AFDN: variants seen among roughly 807,000 people sequenced by gnomAD.
The protein encoded by AFDN is afadin, adherens junction formation factor, also known as afadin.
In AFDN, 68 loss-of-function variants were observed where a neutral mutation model predicts 216.6. The ratio of observed to expected loss-of-function variants is 0.31; its 90% CI spans 0.26 to 0.38. AFDN has a LOEUF of 0.38. Ranked by LOEUF, AFDN falls within the 10% of genes least tolerant of loss-of-function variation. The probability of loss-of-function intolerance (pLI) is 1.00; values close to 1 mark genes in which losing one functional copy is unlikely to be tolerated. For synonymous variants in AFDN, 868 were observed against 853.7 expected (o/e 1.02, Z -0.29); for missense variants, 2,136 against 2,342.0 (o/e 0.91, Z 1.82).
At chr6:167,965,237 C>G (rs927593728) in intron 31 of AFDN, 2 of 237,794 alleles carry the variant, frequency 8.4e-6, no homozygotes, top group African/African-American at 4.7e-5. Flanking sequence ...TCCTCCTTGT[C>G]CAGGAAGGAC....
chr6:167,926,100 C>A (rs1166445491), intron 23 of AFDN, among the ~76,000 whole-genome samples: 3 of 152,074 alleles, frequency 2.0e-5, no homozygotes, highest in Non-Finnish European at 4.4e-5. Context: ...TTTCTTTATA[C>A]CAGAATTATA....
intron 10 of AFDN, among the ~76,000 whole-genome samples, chr6:167,897,297 C>T (rs1303855184): frequency 6.6e-6 from 1 of 152,130 alleles, no homozygotes; most frequent in Non-Finnish European, 1.5e-5. Flanking sequence ...AAGTGCTTAT[C>T]ACTGGAGGTC....
chr6:167,953,863 G>A (rs1196251756), intron 30 of AFDN, among the ~76,000 whole-genome samples: 1 of 152,168 alleles, frequency 6.6e-6, no homozygotes. Flanking sequence ...AAGATGAAAA[G>A]ATGTCTTTTC....
At chr6:167,832,633 A>T (rs1779951810) in intron 1 of AFDN, among the ~76,000 whole-genome samples, 1 of 152,260 alleles carries the variant, frequency 6.6e-6, no homozygotes, top group Non-Finnish European at 1.5e-5. Context: ...GTATTTTCCC[A>T]GTGTATTTCC....
chr6:167,868,923 C>T (rs954398291), intron 2 of AFDN, among the ~76,000 whole-genome samples: 5 of 151,672 alleles, frequency 3.3e-5, no homozygotes, highest in South Asian at 2.1e-4. Flanking sequence ...CCACCACACC[C>T]GGCTAATTTC....
chr6:167,965,255 C>T (rs548106265), intron 31 of AFDN: 3 of 216,050 alleles, frequency 1.4e-5, no homozygotes, highest in East Asian at 3.8e-4. Context: ...GACTGCTCTT[C>T]TGCATTCATG....
At chr6:167,940,286 T>G in intron 23 of AFDN, among the ~76,000 whole-genome samples, 1 of 107,856 alleles carries the variant, frequency 9.3e-6, no homozygotes, top group African/African-American at 3.8e-5. Context: ...GGGGTGAGGG[T>G]GGAAGCCATC....
At chr6:167,946,004 AT>A (rs1160472694) in intron 26 of AFDN, among the ~76,000 whole-genome samples, 2 of 152,236 alleles carry the variant, frequency 1.3e-5, no homozygotes, top group Non-Finnish European at 2.9e-5. Flanking sequence ...ATAGTAACAA[AT>A]CACAGCCACA....
At chr6:167,968,211 G>A (rs746425197) in intron 32 of AFDN, among the ~76,000 whole-genome samples, 1 of 152,220 alleles carries the variant, frequency 6.6e-6, no homozygotes, top group Non-Finnish European at 1.5e-5. Flanking sequence ...TCTCCATGCG[G>A]TAATTTATCT....
chr6:167,881,173 G>A (rs1786056307), intron 6 of AFDN, among the ~76,000 whole-genome samples: 1 of 152,142 alleles, frequency 6.6e-6, no homozygotes, highest in Non-Finnish European at 1.5e-5. Context: ...GAGGTCTTGT[G>A]CCTCTCTTGT....
chr6:167,898,250 A>G lies in AFDN; in HGVS notation c.1363A>G (p.Met455Val). The G allele has an allele frequency of 6.2e-7, 1 of 1,614,132 alleles. No homozygotes were observed. Among genetic ancestry groups the G allele is most frequent in the Non-Finnish European group, 8.5e-7 (1 of 1,180,008 alleles). Residue 455 changes from methionine (M) to valine (V), a missense_variant, in exon 11 of 34, where the codon ATG becomes GTG. This residue lies in a region of AFDN where 817 missense variants were observed against 965.7 expected (regional missense o/e 0.85). Transcript: ENST00000683244. ...IQPHHCDLTNMDGVVTVTPRS... is the reference protein window; with the variant it reads ...IQPHHCDLTNVDGVVTVTPRS... Reference sequence around the variant, plus strand: ...GCCCCATCACTGTGACCTTACCAACATGGATGGAGTGGTCACTGTGACGCC... The same window carrying G: ...GCCCCATCACTGTGACCTTACCAACGTGGATGGAGTGGTCACTGTGACGCC...
Position 167,872,200 on chromosome 6 carries a change from G to A in AFDN, c.415-14G>A. ...GCATAGTAGTCAATATGGTGATAATGTTACTTTCATCAGAAGGCTCAAAGT... is the reference window on the plus strand; with the variant it reads ...GCATAGTAGTCAATATGGTGATAATATTACTTTCATCAGAAGGCTCAAAGT... On this transcript the variant is annotated splice_polypyrimidine_tract_variant and intron_variant, in intron 3 of 33. Transcript: ENST00000683244. The A allele has an allele frequency of 2.5e-6, 4 of 1,602,552 alleles. No homozygotes were observed. The highest frequency in any genetic ancestry group is 2.5e-6 in the Non-Finnish European group (3 of 1,176,904).
chr6:167,889,937 C>T (rs1255859213), intron 7 of AFDN, among the ~76,000 whole-genome samples: 2 of 152,164 alleles, frequency 1.3e-5, no homozygotes, highest in Non-Finnish European at 2.9e-5. Flanking sequence ...ACTTCTGTAA[C>T]CCTATAGATT....
At chr6:167,839,020 C>G (rs919789176) in intron 1 of AFDN, among the ~76,000 whole-genome samples, 2 of 152,100 alleles carry the variant, frequency 1.3e-5, no homozygotes, top group Admixed American at 1.3e-4. Flanking sequence ...GGCCAATATT[C>G]TTGCATAAAA....
At chr6:167,891,097 C>T in intron 8 of AFDN, 68 bp downstream of exon 8, 2 of 1,290,332 alleles carry the variant, frequency 1.5e-6, no homozygotes. Flanking sequence ...TTTGTACTTT[C>T]TAATGCATCT....
chr6:167,915,576 A>ATG lies in AFDN; in HGVS notation c.2565+146_2565+147dup, dbSNP rs1257201082. On this transcript the variant is annotated intron_variant, in intron 19 of 33. Transcript: ENST00000683244. ...TATGTACAAATAATGAAGTAGTGCTATGTGAGTACTTGGGCTGCGGTTACA... is the reference window on the plus strand; with the variant it reads ...TATGTACAAATAATGAAGTAGTGCTATGTGTGAGTACTTGGGCTGCGGTTACA... 4.3e-6 allele frequency: 4 copies of ATG among 932,590 alleles called. No homozygotes were observed. The African/African-American group carries it at 6.7e-5, about 16-fold the overall frequency. The allele number at this position is 932,590 out of a possible 1,614,324, so 57.8% of individuals were successfully genotyped here. A position where few individuals can be genotyped will look rare whatever the true frequency, so the allele number is the denominator to read the frequency against.
chr6:167,831,520 C>T (rs1336331303), intron 1 of AFDN, among the ~76,000 whole-genome samples: 1 of 152,136 alleles, frequency 6.6e-6, no homozygotes, highest in African/African-American at 2.4e-5. Flanking sequence ...GAAACTACAT[C>T]TAGGCTAGTT....
rs781304689 is a variant in AFDN at position 167,969,977 on chromosome 6, T to C, written c.*42T>C. 1 of 1,549,602 alleles carries C rather than the reference T, an allele frequency of 6.5e-7. No homozygotes were observed. The highest frequency in any genetic ancestry group is 8.7e-7 in the Non-Finnish European group (1 of 1,150,288). ...CACTTTGTATTTACCCCAAAATCTT[T>C]TCAGTTGTGGGTTTGTAGGTGCGAG... On this transcript the variant is annotated 3_prime_UTR_variant, in exon 34 of 34. Coordinates refer to ENST00000683244, the MANE Select transcript of AFDN (RefSeq NM_001386888.1).
intron 23 of AFDN, among the ~76,000 whole-genome samples, chr6:167,929,191 T>G (rs1792950690): frequency 6.6e-6 from 1 of 151,922 alleles, no homozygotes; most frequent in South Asian, 2.1e-4. Flanking sequence ...CTGCCTATCG[T>G]GTGAAAAGTA....
Sources: gnomAD v4.1 joint callset for allele counts (sites outside exome capture counted in the v4.1 genomes callset) on GRCh38, gnomAD v4.1.1 for gene constraint, gnomAD v4.1.1 regional missense constraint, MANE v1.5 for transcripts, NCBI Gene and HGNC (gene_info 2026-07-23, HGNC 2026-07-21) for gene names.